The following CHD6 variants were observed in gnomAD, a reference collection of about 807,000 sequenced individuals.
The protein encoded by CHD6 is ATP-dependent chromatin remodeler CHD6.
CHD6 carries 50 observed loss-of-function variants against 276.9 expected under a neutral mutation model. The ratio of observed to expected loss-of-function variants is 0.18; its 90% confidence interval spans 0.14 to 0.23. The LOEUF is 0.23. Ranked by LOEUF, CHD6 falls within the 10% of genes least tolerant of loss-of-function variation. The pLI, the probability that CHD6 is intolerant of heterozygous loss-of-function variation, is 1.00. For missense variants in CHD6, 2,564 were observed against 3,365.8 expected, an observed-to-expected ratio of 0.76 and a Z score of 5.89; for synonymous variants, 1,173 against 1,229.3, an observed-to-expected ratio of 0.95 and a Z score of 0.96.
At position 41,551,490 on chromosome 20, in the gene CHD6, A is replaced by G. The variant is rs1186455733; in HGVS notation, c.-23-130T>C. 5.3e-6 allele frequency: 3 copies of G among 562,492 alleles called. No homozygotes were observed. In the Admixed American group the frequency reaches 9.3e-5, roughly 18 times the overall value. The allele number at this position is 562,492 out of a possible 1,614,324, so 34.8% of individuals were successfully genotyped here. A position where few individuals can be genotyped will look rare whatever the true frequency, so the allele number is the denominator to read the frequency against. On this transcript the variant is annotated intron_variant, in intron 1 of 36. Transcript: ENST00000373233. ...TACTTCTGCAGAACATTTATGTCCA[A>G]CAACCTCCAGAGCCGTAAGTGTACA...
rs1472803626 is a variant in CHD6 at position 41,415,194 on chromosome 20, C to T, written c.6931G>A (p.Gly2311Arg). 1 of 1,613,178 alleles carries T rather than the reference C, an allele frequency of 6.2e-7. No homozygotes were observed. The highest frequency in any genetic ancestry group is 8.5e-7 in the Non-Finnish European group (1 of 1,179,472). The change falls in exon 34 of 37, where the codon GGA (glycine) becomes AGA (arginine). Residue 2311 changes from glycine to arginine, a missense_variant. Gly to Arg is a moderately radical substitution (Grantham distance 125). Around this residue, in one of 7 missense-constraint regions of CHD6, gnomAD observed 1,024 missense variants for 1,047.9 expected, o/e 0.98. Transcript: ENST00000373233. ...IFLKEQTLQAGILEVHEDPGQ... is the reference protein window; with the variant it reads ...IFLKEQTLQARILEVHEDPGQ... ...ATGACCTCAATACCCACCAAGATTC[C>T]CGCCTGAAGTGTCTGCTCCTTCAAA...
At chr20:41,553,201 A>C (rs1006919504) in intron 1 of CHD6, among the ~76,000 whole-genome samples, 1 of 152,232 alleles carries the variant, frequency 6.6e-6, no homozygotes, top group African/African-American at 2.4e-5. Context: ...GTTTGGGGGA[A>C]AATTCCAGCT....
rs1600949029 is a variant in CHD6, at chr20:41,473,137, A to G, written c.2664+185T>C. 5 of 544,650 alleles carry G rather than the reference A, an allele frequency of 9.2e-6. No homozygotes were observed. The East Asian group carries it at 1.1e-4, about 12-fold the overall frequency. The allele number at this position is 544,650 out of a possible 1,614,324, so 33.7% of individuals were successfully genotyped here. A position where few individuals can be genotyped will look rare whatever the true frequency, so the allele number is the denominator to read the frequency against. ...TTAACGGAAAGAACCACACTCTCTA[A>G]TTAGTTGGAAGGGTCGACATTTACT... On this transcript the variant is annotated intron_variant, in intron 17 of 36. Coordinates refer to ENST00000373233, the MANE Select transcript of CHD6 (RefSeq NM_032221.5). This position sits in a 1 kb window ranked among gnomAD's most constrained non-coding sequence, Gnocchi z 4.1.
At chr20:41,500,113 C>T (rs2043795965) in intron 5 of CHD6, among the ~76,000 whole-genome samples, 1 of 152,092 alleles carries the variant, frequency 6.6e-6, no homozygotes, top group African/African-American at 2.4e-5. Context: ...CCTCAAGCAG[C>T]ATTATTTCTC....
At chr20:41,591,498 C>T (rs2045660478) in intron 1 of CHD6, among the ~76,000 whole-genome samples, 1 of 151,452 alleles carries the variant, frequency 6.6e-6, no homozygotes, top group African/African-American at 2.4e-5. Context: ...CAAGACCAGC[C>T]TGGCCAACAT....
intron 27 of CHD6, among the ~76,000 whole-genome samples, chr20:41,431,503 ATTCTC>A (rs887022026): frequency 1.1e-4 from 16 of 152,266 alleles, no homozygotes; most frequent in African/African-American, 3.4e-4. Context: ...AATCCATAAC[ATTCTC>A]TCTATTACTC....
Position 41,483,466 on chromosome 20 carries a change from G to T in CHD6, c.2311C>A (p.Pro771Thr), listed in dbSNP as rs774352015. The change falls in exon 16 of 37, where the codon CCT (proline) becomes ACT (threonine). Residue 771 changes from proline (P) to threonine (T), a missense_variant. Transcript: ENST00000373233. Reference protein sequence around the residue: ...DFRKTHSPDAPDFQLQAMIQA... With the variant: ...DFRKTHSPDATDFQLQAMIQA... ...ATCATGGCCTGCAGCTGAAAGTCAG[G>T]GGCATCAGGGCTGTGGGTTTTTCGG... The T allele has an allele frequency of 6.2e-7, 1 of 1,613,574 alleles. No individual in the cohort carries two copies. Among genetic ancestry groups the T allele is most frequent in the African/African-American group, 1.3e-5 (1 of 74,998 alleles).
chr20:41,411,048 G>C (rs1465252358), intron 36 of CHD6, among the ~76,000 whole-genome samples: 1 of 152,120 alleles, frequency 6.6e-6, no homozygotes, highest in East Asian at 1.9e-4. Context: ...CTAAGAAAAG[G>C]GTAGAAGGGA....
chr20:41,449,208 G>C (rs950345612), intron 23 of CHD6, among the ~76,000 whole-genome samples: 8 of 152,220 alleles, frequency 5.3e-5, no homozygotes, highest in South Asian at 2.1e-4. Flanking sequence ...CAACCTGTTT[G>C]TTTATTTATT....
intron 17 of CHD6, among the ~76,000 whole-genome samples, chr20:41,457,636 T>C (rs2048416643): frequency 6.6e-6 from 1 of 152,192 alleles, no homozygotes; most frequent in South Asian, 2.1e-4. Context: ...GTGTACTGAC[T>C]ACTGCGTGCC....
intron 1 of CHD6, among the ~76,000 whole-genome samples, chr20:41,612,508 T>C (rs879905463): frequency 6.6e-6 from 1 of 152,222 alleles, no homozygotes; most frequent in Non-Finnish European, 1.5e-5. Context: ...TCAACAATAA[T>C]GATGGCTTAA....
chr20:41,413,323 C>A lies in CHD6; in HGVS notation c.7131+1G>T. The A allele has an allele frequency of 6.3e-7, 1 of 1,590,928 alleles. No individual in the cohort carries two copies. The highest frequency in any genetic ancestry group is 8.6e-7 in the Non-Finnish European group (1 of 1,167,668). Reference sequence around the variant, plus strand: ...CTCAGGCAGTACCAACAAACACTTACTGCCCCAAAGCCAGGAACTTCTAAG... The same window carrying A: ...CTCAGGCAGTACCAACAAACACTTAATGCCCCAAAGCCAGGAACTTCTAAG... On this transcript the variant is annotated splice_donor_variant, in intron 35 of 36. Transcript: ENST00000373233. LOFTEE classifies it high-confidence loss of function.
intron 20 of CHD6, 65 bp from the exon 21 acceptor site, chr20:41,453,007 G>A: frequency 7.7e-7 from 1 of 1,306,156 alleles, no homozygotes; most frequent in Non-Finnish European, 1.1e-6. Context: ...CAAAGCATAA[G>A]TGTATCCTCA....
intron 1 of CHD6, among the ~76,000 whole-genome samples, chr20:41,602,605 G>A (rs957875878): frequency 3.9e-5 from 6 of 152,050 alleles, no homozygotes; most frequent in African/African-American, 9.7e-5. Context: ...ACTGCTCCTC[G>A]CACTGTCATG....
At chr20:41,595,780 C>T (rs2045711010) in intron 1 of CHD6, among the ~76,000 whole-genome samples, 1 of 151,976 alleles carries the variant, frequency 6.6e-6, no homozygotes, top group African/African-American at 2.4e-5. Context: ...AAAGAACCCA[C>T]CCTTGAACCC....
rs565012986 is a variant in CHD6, at chr20:41,471,029, G to A, written c.2664+2293C>T. On this transcript the variant is annotated intron_variant, in intron 17 of 36. Coordinates refer to ENST00000373233, the MANE Select transcript of CHD6 (RefSeq NM_032221.5). ...CAGGTGAGCATCACAAAGAAGCCGA[G>A]AACTTTGTAACTGTCAAGGACTTAA... 2.0e-5 allele frequency among the ~76,000 whole-genome samples: 3 copies of A among 152,340 alleles called. No homozygotes were observed. In the East Asian group the frequency reaches 5.8e-4, roughly 29 times the overall value.
chr20:41,406,931 T>C (rs551657955), intron 36 of CHD6, among the ~76,000 whole-genome samples: 9 of 152,366 alleles, frequency 5.9e-5, no homozygotes, highest in Admixed American at 2.6e-4. Context: ...CCTGACTGCC[T>C]GGGCATCTTC....
intron 25 of CHD6, among the ~76,000 whole-genome samples, chr20:41,444,657 GA>G (rs2048009479): frequency 6.6e-6 from 1 of 152,080 alleles, no homozygotes; most frequent in South Asian, 2.1e-4. Flanking sequence ...ATACGTATTA[GA>G]AAGTTAACAA....
rs3830776 is a variant in CHD6, at chr20:41,412,131, CCTT to C, written c.7251+10_7251+12del. The C allele has an allele frequency of 0.018, 28,482 of 1,614,010 alleles. 381 individuals carry two copies. The highest frequency in any genetic ancestry group is 0.048 in the East Asian group (2,137 of 44,876). ...TCCTCCTGGCCCCACACTCACGTGG[CCTT>C]CTTCCTTACCCTCAGTCCTGGCTCC... On this transcript the variant is annotated intron_variant, in intron 36 of 36. Transcript: ENST00000373233.
Sources: allele counts gnomAD v4.1 joint callset (sites outside exome capture counted in the v4.1 genomes callset), GRCh38; gene constraint gnomAD v4.1.1; regional missense constraint gnomAD v4.1.1; non-coding constraint Gnocchi (gnomAD v3.1); transcripts MANE v1.5; gene names NCBI Gene and HGNC (gene_info 2026-07-23, HGNC 2026-07-21).